NR1H4: variants seen among roughly 807,000 people sequenced by gnomAD.
NR1H4 encodes bile acid receptor.
In NR1H4, 23 loss-of-function variants were observed where a neutral mutation model predicts 58.5. That is an observed-to-expected ratio of 0.39 (90% CI 0.28 to 0.56). The LOEUF (loss-of-function observed/expected upper bound fraction) is 0.56. Among genes scored for constraint, NR1H4 ranks in the 20% least tolerant of loss-of-function variants. The probability of loss-of-function intolerance (pLI) is 0.58; values close to 1 mark genes in which losing one functional copy is unlikely to be tolerated. For missense variants in NR1H4, 487 were observed against 576.9 expected (o/e 0.84, Z 1.60); for synonymous variants, 214 against 198.0 (o/e 1.08, Z -0.68).
intron 9 of NR1H4, among the ~76,000 whole-genome samples, chr12:100,560,433 G>A (rs896548051): frequency 2.0e-5 from 3 of 152,096 alleles, no homozygotes; most frequent in Non-Finnish European, 4.4e-5. Flanking sequence ...CTTCACTCCT[G>A]AACCCAGCGA....
In NR1H4 at chr12:100,561,919, T is replaced by A; in HGVS notation, c.1113T>A (p.Ser371Arg). ...ISDEYITPMF[S>R]FYKSIGELKM... is the part of the protein sequence containing the mutation. ...ATGAATATATAACACCTATGTTTAG[T>A]TTTTATAAAAGTATTGGGGAACTGA... Residue 371 changes from serine (S) to arginine (R), a missense_variant, in exon 10 of 11, where the codon AGT becomes AGA. Coordinates refer to ENST00000392986, the MANE Select transcript of NR1H4 (RefSeq NM_001206979.2). 2.6e-6 allele frequency: 4 copies of A among 1,536,492 alleles called. No homozygotes were observed. In the East Asian group the frequency reaches 9.0e-5, roughly 35 times the overall value.
rs187271830 is a variant in NR1H4 at position 100,518,447 on chromosome 12, A to C, written c.445+7304A>C. ...AATATATTTTTAAGAGCAGAGAAAG[A>C]CAAAATTTTTCCATTGATTTTGATT... On this transcript the variant is annotated intron_variant, in intron 4 of 10. Coordinates refer to ENST00000392986, the MANE Select transcript of NR1H4 (RefSeq NM_001206979.2). Among the ~76,000 whole-genome samples, 3 of 152,340 alleles carry C rather than the reference A, an allele frequency of 2.0e-5. No individual in the cohort carries two copies. In the East Asian group the frequency reaches 5.8e-4, roughly 29 times the overall value.
chr12:100,525,445 G>A (rs1197996313), intron 4 of NR1H4: 1 of 152,164 alleles, frequency 6.6e-6, no homozygotes, highest in African/African-American at 2.4e-5. Flanking sequence ...CTGATTAAAA[G>A]CTTGGTCCAA....
In NR1H4 at chr12:100,553,022, G is replaced by A. The variant is rs146764772; in HGVS notation, c.1079-8863G>A. Among the ~76,000 whole-genome samples, 375 of 150,944 alleles carry A rather than the reference G, an allele frequency of 2.5e-3. 3 individuals are homozygous for A. Among genetic ancestry groups the A allele is most frequent in the African/African-American group, 8.3e-3 (343 of 41,114 alleles). On this transcript the variant is annotated intron_variant, in intron 9 of 10. Transcript: ENST00000392986. ...CCCACTCTTCTTTTTTTTTTGAGAC[G>A]GAGTCTCGCTCTGTCACCCAGGCTA...
intron 9 of NR1H4, among the ~76,000 whole-genome samples, chr12:100,541,848 C>T (rs543032796): frequency 9.9e-5 from 15 of 151,990 alleles, no homozygotes; most frequent in Admixed American, 3.9e-4. Context: ...CCACCTACCT[C>T]GGCCTCCCAA....
At position 100,498,873 on chromosome 12, in the gene NR1H4, A is replaced by G. The variant is rs554049355; in HGVS notation, c.79+5471A>G. On this transcript the variant is annotated intron_variant, in intron 3 of 10. Coordinates refer to ENST00000392986, the MANE Select transcript of NR1H4 (RefSeq NM_001206979.2). ...CTTTCATTTCCTTTGGCTATTTCTC[A>G]TTGCCTTATGCTTCACTTAGCTGTG... is the stretch of plus-strand genomic sequence containing the variant. 1.4e-4 allele frequency among the ~76,000 whole-genome samples: 22 copies of G among 152,080 alleles called. 1 individual carries two copies. The highest frequency in any genetic ancestry group is 5.3e-4 in the African/African-American group (22 of 41,524).
chr12:100,487,245 A>T (rs965080728), intron 1 of NR1H4, among the ~76,000 whole-genome samples: 8 of 152,206 alleles, frequency 5.3e-5, no homozygotes, highest in Non-Finnish European at 1.2e-4. Flanking sequence ...ATGGAAAAAA[A>T]TGATAGAACA....
chr12:100,549,909 C>A (rs910139902), intron 9 of NR1H4, among the ~76,000 whole-genome samples: 1 of 152,162 alleles, frequency 6.6e-6, no homozygotes, highest in Non-Finnish European at 1.5e-5. Context: ...ACCTTTCAGA[C>A]TAACTTTTTA....
chr12:100,505,290 G>T lies in NR1H4; in HGVS notation c.80-5488G>T, dbSNP rs143921674. Among the ~76,000 whole-genome samples the T allele has an allele frequency of 2.6e-5, 4 of 152,266 alleles. No individual in the cohort carries two copies. The South Asian group carries it at 8.3e-4, about 32-fold the overall frequency. On this transcript the variant is annotated intron_variant, in intron 3 of 10. Coordinates refer to ENST00000392986, the MANE Select transcript of NR1H4 (RefSeq NM_001206979.2). ...TTATGCAAACCTGATTTCCCATTTG[G>T]GGGTACAGTGGTTCTGGTCCCAAAC...
At chr12:100,488,578 A>G (rs1953544211) in intron 1 of NR1H4, among the ~76,000 whole-genome samples, 1 of 152,224 alleles carries the variant, frequency 6.6e-6, no homozygotes, top group Non-Finnish European at 1.5e-5. Flanking sequence ...ATGACCAATA[A>G]CAGACTCTCA....
At position 100,524,917 on chromosome 12, in the gene NR1H4, G is replaced by A. The variant is rs533671291; in HGVS notation, c.446-7541G>A. On this transcript the variant is annotated intron_variant, in intron 4 of 10. Coordinates refer to ENST00000392986, the MANE Select transcript of NR1H4 (RefSeq NM_001206979.2). ...ACACCTCTCCAATCTCTGCAGTTTT[G>A]AAGAGGGAGTGTTGAGGTGGAAGTC... Among the ~76,000 whole-genome samples the A allele has an allele frequency of 3.9e-5, 6 of 152,278 alleles. No individual in the cohort carries two copies. The South Asian group carries it at 1.2e-3, about 32-fold the overall frequency.
chr12:100,528,055 T>A (rs539445708), intron 4 of NR1H4, among the ~76,000 whole-genome samples: 21 of 152,312 alleles, frequency 1.4e-4, no homozygotes, highest in Admixed American at 6.5e-5. Flanking sequence ...CTCTAGTTAC[T>A]CACCTCTGTG....
At position 100,563,223 on chromosome 12, in the gene NR1H4, T is replaced by G. The variant is rs1393878537; in HGVS notation, c.1193-28T>G. The stretch of plus-strand genomic sequence containing the variant: ...TTAATGCTTTTCCACTTTTTAATTT[T>G]GTCATTTTATTTTAAACTTCAAAAC... On this transcript the variant is annotated intron_variant, in intron 10 of 10. Transcript: ENST00000392986. 7 of 1,542,290 alleles carry G rather than the reference T, an allele frequency of 4.5e-6. No individual in the cohort carries two copies. The highest frequency in any genetic ancestry group is 3.3e-5 in the Admixed American group (2 of 59,758).
intron 9 of NR1H4, among the ~76,000 whole-genome samples, chr12:100,560,320 G>A (rs1204112593): frequency 1.3e-5 from 2 of 152,212 alleles, no homozygotes; most frequent in African/African-American, 2.4e-5. Flanking sequence ...TCCACACTGT[G>A]GAGGCTTTGT....
At position 100,511,133 on chromosome 12, in the gene NR1H4, G is replaced by C; in HGVS notation, c.435G>C (p.Glu145Asp). 1.2e-6 allele frequency: 2 copies of C among 1,614,224 alleles called. No homozygotes were observed. Among genetic ancestry groups the C allele is most frequent in the South Asian group, 2.2e-5 (2 of 91,088 alleles). The change falls in exon 4 of 11, where the codon GAG becomes GAC. Residue 145 changes from glutamate (E) to aspartate (D), a missense_variant. Glu to Asp is a conservative substitution (Grantham distance 45). Transcript: ENST00000392986. ...SGYHYNALTC[E>D]GCKGFFRRSI... ...ACCACTATAATGCACTGACCTGTGA[G>C]GGGTGTAAAGGTAAGCATCTTTGAT...
intron 9 of NR1H4, among the ~76,000 whole-genome samples, chr12:100,550,437 T>A (rs1478996312): frequency 6.6e-6 from 1 of 152,182 alleles, no homozygotes; most frequent in Non-Finnish European, 1.5e-5. Flanking sequence ...CGATCTGGGC[T>A]TACTGCAACC....
intron 4 of NR1H4, among the ~76,000 whole-genome samples, chr12:100,530,125 T>C (rs1954656644): frequency 6.6e-6 from 1 of 152,220 alleles, no homozygotes. Context: ...ATTTCCCAGG[T>C]CAGAGAATGC....
At position 100,473,887 on chromosome 12, in the gene NR1H4, CA is replaced by C. The variant is rs1953214538; in HGVS notation, c.-361del. 6.6e-6 allele frequency: 1 copy of C among 152,286 alleles called. No individual in the cohort carries two copies. The highest frequency in any genetic ancestry group is 2.4e-5 in the African/African-American group (1 of 41,436). 9.4% of individuals were successfully genotyped at this position (152,286 alleles called of 1,614,324 possible). ...GCCCAGAAGGCCGCCTGTGATCATG[CA>C]CAGTACACTGGAACTCTCTCCTCCT... On this transcript the variant is annotated 5_prime_UTR_variant, in exon 1 of 11. It removes the in-frame stop codon of an upstream open reading frame in the 5' UTR. Transcript: ENST00000392986.
At chr12:100,538,478 C>G (rs1954862688) in intron 8 of NR1H4, among the ~76,000 whole-genome samples, 1 of 152,148 alleles carries the variant, frequency 6.6e-6, no homozygotes, top group Admixed American at 6.5e-5. Flanking sequence ...TATCCACACT[C>G]ATTCTGATGG....
Sources: gnomAD v4.1 joint callset for allele counts (sites outside exome capture counted in the v4.1 genomes callset) on GRCh38, gnomAD v4.1.1 for gene constraint, MANE v1.5 for transcripts, NCBI Gene and HGNC (gene_info 2026-07-23, HGNC 2026-07-21) for gene names.